Variants in VWC2L observed in about 807,000 individuals in gnomAD.
VWC2L encodes the protein von Willebrand factor C domain-containing protein 2-like.
A neutral mutation model predicts 21.6 loss-of-function variants in VWC2L; 10 were observed. The ratio of observed to expected loss-of-function variants is 0.46; its 90% confidence interval spans 0.29 to 0.78. The LOEUF is 0.78. Among genes scored for constraint, VWC2L ranks in the 30% least tolerant of loss-of-function variants. The pLI, the probability that VWC2L is intolerant of heterozygous loss-of-function variation, is 0.10. For missense variants in VWC2L, 209 were observed against 277.1 expected (o/e 0.75, Z 1.74); for synonymous variants, 96 against 94.3 (o/e 1.02, Z -0.10).
At chr2:214,418,747 T>C (rs1003857703) in intron 2 of VWC2L, among the ~76,000 whole-genome samples, 1 of 152,186 alleles carries the variant, frequency 6.6e-6, no homozygotes, top group Non-Finnish European at 1.5e-5. Context: ...TTAGTTTCTG[T>C]TTATGTGTTG....
intron 3 of VWC2L, among the ~76,000 whole-genome samples, chr2:214,528,849 CTTA>C (rs1344202644): frequency 2.0e-5 from 3 of 152,178 alleles, no homozygotes; most frequent in South Asian, 4.1e-4. Context: ...TTTCTAATCT[CTTA>C]TTAACTTTTC....
At chr2:214,419,600 G>T (rs1702404375) in intron 2 of VWC2L, among the ~76,000 whole-genome samples, 1 of 152,118 alleles carries the variant, frequency 6.6e-6, no homozygotes. Flanking sequence ...CCAATTCCCA[G>T]TGTCCCTAAT....
chr2:214,498,139 T>C (rs1256955308), intron 3 of VWC2L, among the ~76,000 whole-genome samples: 1 of 152,078 alleles, frequency 6.6e-6, no homozygotes, highest in Non-Finnish European at 1.5e-5. Flanking sequence ...ACCTAGGAGA[T>C]GTTTATGGGC....
chr2:214,457,340 A>G lies in VWC2L; in HGVS notation c.520+20582A>G, dbSNP rs183365448. Among the ~76,000 whole-genome samples, 226 of 152,210 alleles carry G rather than the reference A, an allele frequency of 1.5e-3. 2 individuals are homozygous for G. The highest frequency in any genetic ancestry group is 5.3e-3 in the African/African-American group (220 of 41,562). ...ACTAGCTCATTGTTGGTGTATAGAA[A>G]CACTATTGATTTTTATGTGTTGATT... On this transcript the variant is annotated intron_variant, in intron 3 of 3. Coordinates refer to ENST00000312504, the MANE Select transcript of VWC2L (RefSeq NM_001080500.4).
At chr2:214,541,302 CTTCT>C (rs1689623020) in intron 3 of VWC2L, among the ~76,000 whole-genome samples, 1 of 151,882 alleles carries the variant, frequency 6.6e-6, no homozygotes, top group Admixed American at 6.6e-5. Context: ...AAAAGTCTGA[CTTCT>C]TTATTATCTG....
At chr2:214,560,420 A>T (rs895304588) in intron 3 of VWC2L, among the ~76,000 whole-genome samples, 1 of 152,028 alleles carries the variant, frequency 6.6e-6, no homozygotes, top group African/African-American at 2.4e-5. Context: ...TGACAAGTGT[A>T]CTCCATGTCC....
intron 3 of VWC2L, among the ~76,000 whole-genome samples, chr2:214,466,073 T>C (rs535086793): frequency 1.2e-4 from 19 of 152,316 alleles, no homozygotes; most frequent in African/African-American, 4.1e-4. Flanking sequence ...TTCCTTGATA[T>C]GATGTTAAGA....
intron 3 of VWC2L, among the ~76,000 whole-genome samples, chr2:214,518,554 T>C (rs1689181224): frequency 6.6e-6 from 1 of 152,156 alleles, no homozygotes; most frequent in Non-Finnish European, 1.5e-5. Flanking sequence ...GCACAAGAAA[T>C]ACTGTGAAGC....
intron 1 of VWC2L, among the ~76,000 whole-genome samples, chr2:214,413,684 A>C (rs1702311420): frequency 6.6e-6 from 1 of 152,120 alleles, no homozygotes; most frequent in African/African-American, 2.4e-5. Flanking sequence ...TTTTCTCACT[A>C]ATCTCTTGAG....
intron 3 of VWC2L, among the ~76,000 whole-genome samples, chr2:214,454,829 C>T (rs531291722): frequency 3.3e-5 from 5 of 152,012 alleles, no homozygotes; most frequent in African/African-American, 1.2e-4. Context: ...GTCTTGATTT[C>T]CTGACCTTAT....
chr2:214,433,104 C>T (rs1410659827), intron 2 of VWC2L, among the ~76,000 whole-genome samples: 1 of 147,148 alleles, frequency 6.8e-6, no homozygotes, highest in African/African-American at 2.5e-5. Context: ...TTTAAAAACA[C>T]TAAGCTGGAG....
intron 3 of VWC2L, among the ~76,000 whole-genome samples, chr2:214,494,986 C>G (rs543521059): frequency 1.3e-5 from 2 of 152,188 alleles, no homozygotes; most frequent in Admixed American, 6.5e-5. Flanking sequence ...TCCTGAACTG[C>G]CTTCTAATAC....
chr2:214,555,011 A>T (rs1331821855), intron 3 of VWC2L, among the ~76,000 whole-genome samples: 1 of 152,202 alleles, frequency 6.6e-6, no homozygotes, highest in Non-Finnish European at 1.5e-5. Flanking sequence ...AGTTTGGCAC[A>T]TGTCTGATAA....
intron 3 of VWC2L, among the ~76,000 whole-genome samples, chr2:214,481,578 C>T (rs920295265): frequency 6.6e-6 from 1 of 152,146 alleles, no homozygotes; most frequent in African/African-American, 2.4e-5. Flanking sequence ...GTTGTTTAAA[C>T]CCAGCAAGAT....
chr2:214,521,405 C>T (rs936219840), intron 3 of VWC2L, among the ~76,000 whole-genome samples: 1 of 152,122 alleles, frequency 6.6e-6, no homozygotes, highest in Non-Finnish European at 1.5e-5. Flanking sequence ...TGGGTAGAGG[C>T]TGGGACAGTA....
At chr2:214,442,384 G>C (rs1702774299) in intron 3 of VWC2L, among the ~76,000 whole-genome samples, 1 of 152,040 alleles carries the variant, frequency 6.6e-6, no homozygotes, top group Non-Finnish European at 1.5e-5. Flanking sequence ...CAATAGATGT[G>C]AACAGGTAGT....
At chr2:214,540,021 T>C (rs954773719) in intron 3 of VWC2L, among the ~76,000 whole-genome samples, 1 of 152,088 alleles carries the variant, frequency 6.6e-6, no homozygotes, top group African/African-American at 2.4e-5. Context: ...ACCATATCCT[T>C]CCCAAGAAAA....
intron 3 of VWC2L, among the ~76,000 whole-genome samples, chr2:214,504,781 T>C (rs967607810): frequency 3.9e-5 from 6 of 152,176 alleles, no homozygotes; most frequent in Non-Finnish European, 7.3e-5. Flanking sequence ...AACAAGCCTG[T>C]TGGGCAGCCT....
At chr2:214,522,219 C>T (rs981705419) in intron 3 of VWC2L, among the ~76,000 whole-genome samples, 7 of 151,824 alleles carry the variant, frequency 4.6e-5, no homozygotes, top group African/African-American at 1.7e-4. Context: ...ACTAAAAATA[C>T]AAAAAATTAG....
Sources: gnomAD v4.1 joint callset for allele counts (sites outside exome capture counted in the v4.1 genomes callset) on GRCh38, gnomAD v4.1.1 for gene constraint, MANE v1.5 for transcripts, NCBI Gene and HGNC (gene_info 2026-07-23, HGNC 2026-07-21) for gene names.